The following ZNRF3 variants were observed in gnomAD, a reference collection of about 807,000 sequenced individuals.
ZNRF3 encodes E3 ubiquitin-protein ligase ZNRF3.
In ZNRF3, 23 loss-of-function variants were observed where a neutral mutation model predicts 72.5. The observed-to-expected ratio is 0.32, with a 90% confidence interval of 0.23 to 0.45. ZNRF3 has a LOEUF of 0.45. ZNRF3 is among the 20% of genes least tolerant of loss of function. The pLI, the probability that ZNRF3 is intolerant of heterozygous loss-of-function variation, is 1.00. For synonymous variants in ZNRF3, 610 were observed against 545.3 expected, an observed-to-expected ratio of 1.12 and a Z score of -1.65; for missense variants, 1,169 against 1,272.1, an observed-to-expected ratio of 0.92 and a Z score of 1.23.
intron 1 of ZNRF3, among the ~76,000 whole-genome samples, chr22:28,944,962 T>TAAATA (rs1555971928): frequency 5.7e-5 from 8 of 140,620 alleles, no homozygotes; most frequent in African/African-American, 2.1e-4. Context: ...AATAAATAAA[T>TAAATA]AATAATAATA....
At chr22:29,034,844 T>C (rs1200546256) in intron 2 of ZNRF3, among the ~76,000 whole-genome samples, 1 of 152,176 alleles carries the variant, frequency 6.6e-6, no homozygotes, top group Middle Eastern at 3.2e-3. Flanking sequence ...CAGGGGTCTG[T>C]GACCACGCTT....
chr22:28,930,384 G>A (rs924040968), intron 1 of ZNRF3, among the ~76,000 whole-genome samples: 9 of 152,212 alleles, frequency 5.9e-5, no homozygotes, highest in Admixed American at 2.0e-4. Flanking sequence ...GGAGTCTGCA[G>A]TGCATGCAGG....
At chr22:28,980,123 A>G (rs1005079006) in intron 1 of ZNRF3, among the ~76,000 whole-genome samples, 1 of 151,992 alleles carries the variant, frequency 6.6e-6, no homozygotes, top group Non-Finnish European at 1.5e-5. Flanking sequence ...CAGTTAAGAC[A>G]GATGCTACAG....
intron 2 of ZNRF3, among the ~76,000 whole-genome samples, chr22:28,994,714 G>C (rs1370039274): frequency 1.3e-5 from 2 of 152,128 alleles, no homozygotes; most frequent in Non-Finnish European, 1.5e-5. Flanking sequence ...ACTTAAAAAT[G>C]ATTACAGTGG....
intron 2 of ZNRF3, among the ~76,000 whole-genome samples, chr22:29,010,622 C>T (rs548688305): frequency 1.3e-5 from 2 of 152,166 alleles, no homozygotes; most frequent in South Asian, 2.1e-4. Flanking sequence ...CTGTGGCTTG[C>T]CTTTTCATCC....
At position 28,973,953 on chromosome 22, in the gene ZNRF3, C is replaced by CTTT. The variant is rs553300044; in HGVS notation, c.301-13103_301-13101dup. On this transcript the variant is annotated intron_variant, in intron 1 of 8. Transcript: ENST00000544604. ...GAAAGGAATGCATCTCTCTCTCTCT[C>CTTT]TTTTTTTTTTTTTTTTTTTTTTGAG... Among the ~76,000 whole-genome samples, 682 of 111,434 alleles carry CTTT rather than the reference C, an allele frequency of 6.1e-3. 1 individual carries two copies. Among genetic ancestry groups the CTTT allele is most frequent in the Non-Finnish European group, 9.5e-3 (516 of 54,094 alleles). The allele number at this position is 111,434 out of a possible 152,430, so 73.1% of individuals were successfully genotyped here. A position where few individuals can be genotyped will look rare whatever the true frequency, so the allele number is the denominator to read the frequency against.
In ZNRF3 at chr22:29,049,369, G is replaced by T; in HGVS notation, c.1188G>T (p.Leu396Phe). 1 of 1,613,244 alleles carries T rather than the reference G, an allele frequency of 6.2e-7. No individual in the cohort carries two copies. Among genetic ancestry groups the T allele is most frequent in the East Asian group, 2.2e-5 (1 of 44,854 alleles). Residue 396 changes from leucine (L) to phenylalanine (F), a missense_variant, in exon 8 of 9, where the codon TTG (leucine) becomes TTT (phenylalanine). Transcript: ENST00000544604. The surrounding 1 kb of genome is among the most constrained non-coding windows in gnomAD (Gnocchi z 5.2). ...SMDSHGNPVTLLTMDRHGEQS... is the reference protein window; with the variant it reads ...SMDSHGNPVTFLTMDRHGEQS... ...ACTCCCACGGCAACCCCGTCACCTTGCTGACCATGGACCGGCACGGGGAGC... is the reference window on the plus strand; with the variant it reads ...ACTCCCACGGCAACCCCGTCACCTTTCTGACCATGGACCGGCACGGGGAGC...
intron 1 of ZNRF3, among the ~76,000 whole-genome samples, chr22:28,974,416 A>C (rs969485428): frequency 6.6e-6 from 1 of 152,172 alleles, no homozygotes; most frequent in African/African-American, 2.4e-5. Context: ...ACATTTTATA[A>C]TTGTTTTCAA....
At chr22:28,904,535 G>A (rs989201864) in intron 1 of ZNRF3, among the ~76,000 whole-genome samples, 3 of 152,142 alleles carry the variant, frequency 2.0e-5, no homozygotes, top group Admixed American at 6.5e-5. Flanking sequence ...TAACAGGACC[G>A]CCTTTGATGT....
chr22:29,028,385 G>A (rs1191662235), intron 2 of ZNRF3, among the ~76,000 whole-genome samples: 1 of 152,160 alleles, frequency 6.6e-6, no homozygotes, highest in Non-Finnish European at 1.5e-5. Context: ...TACATGAGCT[G>A]CACGACATTT....
At chr22:28,992,523 A>G (rs1206495272) in intron 2 of ZNRF3, among the ~76,000 whole-genome samples, 1 of 152,052 alleles carries the variant, frequency 6.6e-6, no homozygotes, top group African/African-American at 2.4e-5. Flanking sequence ...CTGGGTTTTG[A>G]GTCTGAAAAA....
intron 1 of ZNRF3, 61 bp downstream of exon 1, chr22:28,884,127 G>C: frequency 9.5e-7 from 1 of 1,053,860 alleles, no homozygotes; most frequent in Non-Finnish European, 1.1e-6. Flanking sequence ...CGGGGGCTGC[G>C]CCCGCCGACC....
At chr22:28,929,718 G>A (rs570031678) in intron 1 of ZNRF3, among the ~76,000 whole-genome samples, 3 of 152,196 alleles carry the variant, frequency 2.0e-5, no homozygotes, top group Admixed American at 6.5e-5. Context: ...GCCTTTTCAC[G>A]ATTTTCACAC....
At chr22:28,888,680 C>A (rs933561661) in intron 1 of ZNRF3, among the ~76,000 whole-genome samples, 4 of 152,282 alleles carry the variant, frequency 2.6e-5, no homozygotes, top group Non-Finnish European at 5.9e-5. Context: ...CCAAGCATGT[C>A]ATGTTTTGGT....
chr22:28,959,114 A>C (rs917914804), intron 1 of ZNRF3, among the ~76,000 whole-genome samples: 3 of 152,238 alleles, frequency 2.0e-5, no homozygotes, highest in Non-Finnish European at 4.4e-5. Flanking sequence ...GTTTTGTTGC[A>C]AAGCTAGAGC....
At chr22:28,888,660 C>T (rs2033832112) in intron 1 of ZNRF3, among the ~76,000 whole-genome samples, 1 of 152,210 alleles carries the variant, frequency 6.6e-6, no homozygotes, top group African/African-American at 2.4e-5. Flanking sequence ...CTTATTTATA[C>T]AGAGCACTGC....
chr22:28,894,301 A>G (rs1000937400), intron 1 of ZNRF3, among the ~76,000 whole-genome samples: 1 of 151,194 alleles, frequency 6.6e-6, no homozygotes, highest in Non-Finnish European at 1.5e-5. Context: ...GTGAAAGTCT[A>G]TATATTCCTA....
Position 29,044,894 on chromosome 22 carries a change from G to T in ZNRF3, c.744+4G>T. 6.2e-7 allele frequency: 1 copy of T among 1,605,160 alleles called. No individual in the cohort carries two copies. Among genetic ancestry groups the T allele is most frequent in the Non-Finnish European group, 8.5e-7 (1 of 1,171,968 alleles). Reference sequence around the variant, plus strand: ...GCTGAAGCAGCGACGCAGTCAGGTAGTGCCTCTGTGTGTAGCCCGTGAGCA... The same window carrying T: ...GCTGAAGCAGCGACGCAGTCAGGTATTGCCTCTGTGTGTAGCCCGTGAGCA... On this transcript the variant is annotated splice_donor_region_variant and intron_variant, in intron 5 of 8. Transcript: ENST00000544604.
intron 1 of ZNRF3, among the ~76,000 whole-genome samples, chr22:28,960,114 T>TG (rs1203545176): frequency 6.6e-6 from 1 of 152,212 alleles, no homozygotes; most frequent in Non-Finnish European, 1.5e-5. Flanking sequence ...GGGCAAGTCA[T>TG]TTTCAAGGTG....
Sources: allele counts gnomAD v4.1 joint callset (sites outside exome capture counted in the v4.1 genomes callset), GRCh38; gene constraint gnomAD v4.1.1; non-coding constraint Gnocchi (gnomAD v3.1); transcripts MANE v1.5; gene names NCBI Gene and HGNC (gene_info 2026-07-23, HGNC 2026-07-21).